Variants in MAPKAP1 observed in about 807,000 individuals in gnomAD.
MAPKAP1 encodes target of rapamycin complex 2 subunit MAPKAP1.
MAPKAP1 carries 20 observed loss-of-function variants against 65.7 expected under a neutral mutation model. The observed-to-expected ratio is 0.30, with a 90% CI of 0.21 to 0.44. MAPKAP1 has a LOEUF of 0.44. MAPKAP1 is among the 20% of genes least tolerant of loss of function. MAPKAP1 has a pLI of 1.00. For synonymous variants in MAPKAP1, 222 were observed against 244.3 expected (o/e 0.91, Z 0.85); for missense variants, 423 against 648.0 (o/e 0.65, Z 3.77).
chr9:125,517,662 C>T (rs1272751539), intron 7 of MAPKAP1, among the ~76,000 whole-genome samples: 2 of 152,150 alleles, frequency 1.3e-5, no homozygotes, highest in Admixed American at 6.5e-5. Context: ...GCTGAATTTC[C>T]TTCTTTGTGT....
chr9:125,647,757 A>C (rs1286058690), intron 4 of MAPKAP1, among the ~76,000 whole-genome samples: 2 of 152,162 alleles, frequency 1.3e-5, no homozygotes, highest in Non-Finnish European at 2.9e-5. Context: ...GTATGCAATA[A>C]ATGTTTGAAA....
At chr9:125,543,512 G>A (rs893000015) in intron 6 of MAPKAP1, among the ~76,000 whole-genome samples, 3 of 151,536 alleles carry the variant, frequency 2.0e-5, no homozygotes, top group African/African-American at 2.4e-5. Context: ...TATTGACCTC[G>A]TGATCTGCCC....
chr9:125,585,517 C>T, intron 5 of MAPKAP1, 38 bp downstream of exon 5: 2 of 1,601,882 alleles, frequency 1.2e-6, no homozygotes, highest in Non-Finnish European at 1.7e-6. Flanking sequence ...GCCAAAAGAC[C>T]ACAAGAAACT....
chr9:125,685,396 T>C (rs539888524), intron 1 of MAPKAP1, among the ~76,000 whole-genome samples: 1 of 152,278 alleles, frequency 6.6e-6, no homozygotes, highest in South Asian at 2.1e-4. Flanking sequence ...GAGGGGAACA[T>C]GCCTCACACT....
At chr9:125,678,249 A>T (rs2790034) in intron 1 of MAPKAP1, among the ~76,000 whole-genome samples, 75,852 of 148,774 alleles carry the variant, frequency 0.51, 19,886 homozygotes, top group South Asian at 0.61. Context: ...TTTTATTTTT[A>T]TTTATTTTTT....
chr9:125,615,538 C>CAAAAAAAAA (rs58426049), intron 4 of MAPKAP1, among the ~76,000 whole-genome samples: 88 of 110,610 alleles, frequency 8.0e-4, no homozygotes, highest in African/African-American at 2.2e-3. Context: ...ACTAAAAATA[C>CAAAAAAAAA]AAAAAAAAAA....
chr9:125,634,801 C>T (rs796848903), intron 4 of MAPKAP1, among the ~76,000 whole-genome samples: 4 of 152,338 alleles, frequency 2.6e-5, no homozygotes, highest in African/African-American at 9.6e-5. Context: ...AGCCTTTAAA[C>T]TACTTTCACG....
At chr9:125,458,056 C>T (rs188388552) in intron 10 of MAPKAP1, among the ~76,000 whole-genome samples, 2 of 152,216 alleles carry the variant, frequency 1.3e-5, no homozygotes, top group Admixed American at 1.3e-4. Flanking sequence ...GATCATCAGT[C>T]TCACCTCTTT....
intron 9 of MAPKAP1, among the ~76,000 whole-genome samples, chr9:125,473,093 T>C (rs1283600924): frequency 6.6e-6 from 1 of 152,022 alleles, no homozygotes; most frequent in Non-Finnish European, 1.5e-5. Flanking sequence ...TTTTTTTTTT[T>C]TTTAGCAGAA....
intron 4 of MAPKAP1, among the ~76,000 whole-genome samples, chr9:125,635,313 C>A (rs950044348): frequency 6.6e-6 from 1 of 152,198 alleles, no homozygotes; most frequent in African/African-American, 2.4e-5. Flanking sequence ...AGAAACATTT[C>A]CCAATACTAC....
chr9:125,522,359 GA>G (rs1170109007), intron 7 of MAPKAP1, among the ~76,000 whole-genome samples: 2 of 152,228 alleles, frequency 1.3e-5, no homozygotes, highest in Non-Finnish European at 2.9e-5. Context: ...TTCACCCAAT[GA>G]ATTAAATCAG....
At chr9:125,531,282 C>T (rs1386055369) in intron 7 of MAPKAP1, among the ~76,000 whole-genome samples, 1 of 152,202 alleles carries the variant, frequency 6.6e-6, no homozygotes, top group Non-Finnish European at 1.5e-5. Flanking sequence ...GTCCTTACTC[C>T]CCTACTAGCT....
intron 4 of MAPKAP1, among the ~76,000 whole-genome samples, chr9:125,621,299 C>T (rs1046843058): frequency 2.0e-5 from 3 of 151,814 alleles, no homozygotes; most frequent in African/African-American, 7.3e-5. Context: ...AAAAACAAAC[C>T]ACAAAAGTGC....
At chr9:125,678,715 T>C (rs963143803) in intron 1 of MAPKAP1, among the ~76,000 whole-genome samples, 2 of 152,198 alleles carry the variant, frequency 1.3e-5, no homozygotes, top group African/African-American at 4.8e-5. Flanking sequence ...AACCTGCCTG[T>C]GGTAACTAGG....
intron 4 of MAPKAP1, chr9:125,652,229 A>G: frequency 1.5e-6 from 2 of 1,306,968 alleles, no homozygotes; most frequent in Non-Finnish European, 2.0e-6. Flanking sequence ...ACATTTGTTC[A>G]TAATTATCCG....
chr9:125,442,741 C>A (rs1027732807), intron 11 of MAPKAP1, among the ~76,000 whole-genome samples: 1 of 152,146 alleles, frequency 6.6e-6, no homozygotes, highest in Non-Finnish European at 1.5e-5. Flanking sequence ...GGTCTATGAA[C>A]CCTCTCCCTT....
intron 7 of MAPKAP1, among the ~76,000 whole-genome samples, chr9:125,516,844 T>C (rs947070606): frequency 3.9e-5 from 6 of 152,240 alleles, no homozygotes; most frequent in Non-Finnish European, 8.8e-5. Context: ...ATGTCAGTTA[T>C]ATTGCTACAC....
rs563327177 is a variant in MAPKAP1, at chr9:125,695,674, A to G, written c.-70+11297T>C. On this transcript the variant is annotated intron_variant, in intron 1 of 11. Transcript: ENST00000265960. ...AGAGAATCAGTATGCGCATTTGAAAAAAACAAACCTAACTGGCCATCATGC... is the reference window on the plus strand; with the variant it reads ...AGAGAATCAGTATGCGCATTTGAAAGAAACAAACCTAACTGGCCATCATGC... Among the ~76,000 whole-genome samples the G allele has an allele frequency of 3.3e-5, 5 of 152,278 alleles. No individual in the cohort carries two copies. The South Asian group carries it at 6.2e-4, about 19-fold the overall frequency.
chr9:125,639,641 C>T (rs766231306), intron 4 of MAPKAP1, among the ~76,000 whole-genome samples: 1 of 152,004 alleles, frequency 6.6e-6, no homozygotes, highest in Non-Finnish European at 1.5e-5. Flanking sequence ...TCTAAAGAGA[C>T]GATTGTTGTG....
Sources: gnomAD v4.1 joint callset for allele counts (sites outside exome capture counted in the v4.1 genomes callset) on GRCh38, gnomAD v4.1.1 for gene constraint, MANE v1.5 for transcripts, NCBI Gene and HGNC (gene_info 2026-07-23, HGNC 2026-07-21) for gene names.